EBF1: variants seen among roughly 807,000 people sequenced by gnomAD.
EBF1 encodes the protein transcription factor COE1.
EBF1 carries 10 observed loss-of-function variants against 68.4 expected under a neutral mutation model. That is an observed-to-expected ratio of 0.15 (90% CI 0.09 to 0.25). The LOEUF is 0.25. Ranked by LOEUF, EBF1 falls within the 10% of genes least tolerant of loss-of-function variation. The pLI is 1.00. For missense variants in EBF1, 509 were observed against 794.4 expected (o/e 0.64, Z 4.32); for synonymous variants, 298 against 299.8 (o/e 0.99, Z 0.06).
At chr5:158,781,146 C>T (rs538667706) in intron 9 of EBF1, among the ~76,000 whole-genome samples, 6 of 152,108 alleles carry the variant, frequency 3.9e-5, no homozygotes, top group Non-Finnish European at 8.8e-5. Flanking sequence ...TTTTTAAAAT[C>T]ATGTTTGTGG....
In EBF1 at chr5:158,871,814, C is replaced by T. The variant is rs559790182; in HGVS notation, c.555-31704G>A. Among the ~76,000 whole-genome samples the T allele has an allele frequency of 4.6e-5, 7 of 152,274 alleles. No homozygotes were observed. The East Asian group carries it at 7.7e-4, about 17-fold the overall frequency. ...ACAACCTTCCTCAGACCTAGCCTTA[C>T]GATCCAGGATCTCTTCCTACAGCAA... On this transcript the variant is annotated intron_variant, in intron 6 of 15. Transcript: ENST00000313708.
intron 5 of EBF1, among the ~76,000 whole-genome samples, chr5:159,079,441 T>G (rs75278772): frequency 3.3e-5 from 5 of 152,278 alleles, no homozygotes; most frequent in Non-Finnish European, 7.4e-5. Flanking sequence ...CTACTTGCCA[T>G]TTCAACCACA....
intron 6 of EBF1, among the ~76,000 whole-genome samples, chr5:158,846,859 T>C (rs780381884): frequency 6.6e-6 from 1 of 152,142 alleles, no homozygotes; most frequent in Non-Finnish European, 1.5e-5. Context: ...AGAGAGACCC[T>C]CTTTGACTTA....
rs1036179 is a variant in EBF1, at chr5:158,854,163, C to T, written c.555-14053G>A. On this transcript the variant is annotated intron_variant, in intron 6 of 15. Coordinates refer to ENST00000313708, the MANE Select transcript of EBF1 (RefSeq NM_024007.5). The stretch of plus-strand genomic sequence containing the variant: ...GGTAGAGGGATGCAGTTTGCATCTC[C>T]GGCCCTAAACTGTAATAACCAAAGT... Among the ~76,000 whole-genome samples, 992 of 152,304 alleles carry T rather than the reference C, an allele frequency of 6.5e-3. 2 individuals are homozygous for T. Among genetic ancestry groups the T allele is most frequent in the Admixed American group, 0.014 (209 of 15,306 alleles).
chr5:158,864,570 A>G (rs1795539165), intron 6 of EBF1, among the ~76,000 whole-genome samples: 1 of 152,156 alleles, frequency 6.6e-6, no homozygotes, highest in Non-Finnish European at 1.5e-5. Context: ...TCTCCCTCCA[A>G]CGACTGACTT....
chr5:158,962,683 A>G (rs1753260302), intron 6 of EBF1, among the ~76,000 whole-genome samples: 1 of 152,246 alleles, frequency 6.6e-6, no homozygotes, highest in Non-Finnish European at 1.5e-5. Context: ...CAAAGCCCAT[A>G]TAGGTACTTA....
intron 6 of EBF1, among the ~76,000 whole-genome samples, chr5:158,905,578 A>G (rs189516609): frequency 6.6e-6 from 1 of 152,310 alleles, no homozygotes; most frequent in African/African-American, 2.4e-5. Context: ...ATGGGCCCAT[A>G]AATGCATATT....
At chr5:159,075,136 T>C (rs1425638387) in intron 5 of EBF1, among the ~76,000 whole-genome samples, 1 of 152,212 alleles carries the variant, frequency 6.6e-6, no homozygotes, top group Non-Finnish European at 1.5e-5. Flanking sequence ...TCACAGGATC[T>C]CAGTTTCCTC....
intron 6 of EBF1, among the ~76,000 whole-genome samples, chr5:158,917,222 G>A (rs1005459233): frequency 6.6e-6 from 1 of 152,176 alleles, no homozygotes. Context: ...GTGGCCCTAT[G>A]TCTCTACAAA....
chr5:158,905,855 C>A (rs144482005), intron 6 of EBF1, among the ~76,000 whole-genome samples: 213 of 152,258 alleles, frequency 1.4e-3, no homozygotes, highest in Non-Finnish European at 2.2e-3. Context: ...GTAAGGAAAG[C>A]CTTGCCCTGG....
intron 6 of EBF1, among the ~76,000 whole-genome samples, chr5:158,957,717 C>G (rs1278978069): frequency 6.6e-6 from 1 of 152,332 alleles, no homozygotes; most frequent in East Asian, 1.9e-4. Context: ...CCCTTTGTCC[C>G]TATTCTGCCA....
intron 6 of EBF1, among the ~76,000 whole-genome samples, chr5:158,984,962 C>A (rs939416099): frequency 6.6e-6 from 1 of 152,160 alleles, no homozygotes; most frequent in Admixed American, 6.5e-5. Context: ...GGACTACAGG[C>A]ATGAGCCACC....
At chr5:159,010,757 G>T (rs1410886259) in intron 6 of EBF1, among the ~76,000 whole-genome samples, 3 of 152,176 alleles carry the variant, frequency 2.0e-5, no homozygotes, top group Non-Finnish European at 4.4e-5. Context: ...GCAGGGAAAC[G>T]CATAAGGCTG....
intron 10 of EBF1, among the ~76,000 whole-genome samples, chr5:158,737,065 T>C (rs1455758854): frequency 6.6e-6 from 1 of 152,078 alleles, no homozygotes; most frequent in African/African-American, 2.4e-5. Flanking sequence ...GCTCCTGCTT[T>C]CCCGTGAAAT....
At chr5:159,022,046 G>T (rs1399135418) in intron 6 of EBF1, among the ~76,000 whole-genome samples, 2 of 97,226 alleles carry the variant, frequency 2.1e-5, no homozygotes, top group African/African-American at 4.1e-5. Flanking sequence ...AGGAACATTT[G>T]TCAGCACGAT....
intron 5 of EBF1, among the ~76,000 whole-genome samples, chr5:159,074,017 T>C (rs1314233605): frequency 6.6e-6 from 1 of 152,120 alleles, no homozygotes; most frequent in African/African-American, 2.4e-5. Flanking sequence ...ACCATTTTCA[T>C]GAGAATAAAG....
At chr5:158,957,148 C>T (rs1292188792) in intron 6 of EBF1, among the ~76,000 whole-genome samples, 2 of 152,148 alleles carry the variant, frequency 1.3e-5, no homozygotes, top group African/African-American at 4.8e-5. Context: ...TCTTCACAAG[C>T]GCCCTGTGAG....
At chr5:159,083,327 T>G (rs1213999951) in intron 5 of EBF1, among the ~76,000 whole-genome samples, 3 of 152,232 alleles carry the variant, frequency 2.0e-5, no homozygotes, top group African/African-American at 7.2e-5. Context: ...AGAATTGTTA[T>G]GTACAATATA....
At chr5:159,056,806 T>A (rs1202524205) in intron 6 of EBF1, among the ~76,000 whole-genome samples, 1 of 152,208 alleles carries the variant, frequency 6.6e-6, no homozygotes, top group East Asian at 1.9e-4. Context: ...TTTATGTATG[T>A]CAGTACCTTC....
Sources: allele counts gnomAD v4.1 joint callset (sites outside exome capture counted in the v4.1 genomes callset), GRCh38; gene constraint gnomAD v4.1.1; transcripts MANE v1.5; gene names NCBI Gene and HGNC (gene_info 2026-07-23, HGNC 2026-07-21).